Variants in SLC25A16 observed in about 807,000 individuals in gnomAD.
SLC25A16 encodes the protein solute carrier family 25 member 16.
Under a neutral mutation model 41.5 loss-of-function variants are expected in SLC25A16, and 39 were observed. That is an observed-to-expected ratio of 0.94 (90% CI 0.73 to 1.23). SLC25A16 has a LOEUF of 1.23. SLC25A16 is among the 50% of genes most tolerant of loss of function. The probability of loss-of-function intolerance (pLI) is 0.00; values close to 1 mark genes in which losing one functional copy is unlikely to be tolerated. For missense variants in SLC25A16, 421 were observed against 426.9 expected, an observed-to-expected ratio of 0.99 and a Z score of 0.12; for synonymous variants, 146 against 147.8, an observed-to-expected ratio of 0.99 and a Z score of 0.09.
At chr10:68,491,047 T>G (rs2052649297) in intron 6 of SLC25A16, among the ~76,000 whole-genome samples, 1 of 152,006 alleles carries the variant, frequency 6.6e-6, no homozygotes, top group African/African-American at 2.4e-5. Context: ...TGGCTAATTT[T>G]AGAAAATTAT....
At chr10:68,516,433 A>G (rs568362235) in intron 2 of SLC25A16, among the ~76,000 whole-genome samples, 4 of 152,324 alleles carry the variant, frequency 2.6e-5, no homozygotes, top group African/African-American at 9.6e-5. Context: ...AGGAAGAGGA[A>G]CAAGCTATGA....
In SLC25A16 at chr10:68,487,148, A is replaced by G; in HGVS notation, c.838T>C (p.Cys280Arg). ...AATGACATATGATGAACTTACAGGC[A>G]CTTTTCAAATTCCGGCAGAACAGTT... ...LGTVLPEFEK[C>R]LTMRDTMKYV... Residue 280 changes from cysteine to arginine, a missense_variant, in exon 8 of 9, where the codon TGC (cysteine) becomes CGC (arginine). Coordinates refer to ENST00000609923, the MANE Select transcript of SLC25A16 (RefSeq NM_152707.4). 6.2e-7 allele frequency: 1 copy of G among 1,612,382 alleles called. No homozygotes were observed. Among genetic ancestry groups the G allele is most frequent in the Non-Finnish European group, 8.5e-7 (1 of 1,178,622 alleles).
chr10:68,519,732 T>C (rs2053219493), intron 1 of SLC25A16, among the ~76,000 whole-genome samples: 2 of 151,550 alleles, frequency 1.3e-5, no homozygotes, highest in Admixed American at 1.3e-4. Flanking sequence ...CTAGCCAACA[T>C]GGTGAAACCC....
chr10:68,487,157 A>C lies in SLC25A16; in HGVS notation c.829T>G (p.Phe277Val), dbSNP rs1018570821. 12 of 1,613,320 alleles carry C rather than the reference A, an allele frequency of 7.4e-6. No homozygotes were observed. The highest frequency in any genetic ancestry group is 1.0e-5 in the Non-Finnish European group (12 of 1,179,602). ...TGATGAACTTACAGGCACTTTTCAA[A>C]TTCCGGCAGAACAGTTCCTAATTGC... ...RMQLGTVLPE[F>V]EKCLTMRDTM... Residue 277 changes from phenylalanine (F) to valine (V), a missense_variant, in exon 8 of 9, where the codon TTT (phenylalanine) becomes GTT (valine). Coordinates refer to ENST00000609923, the MANE Select transcript of SLC25A16 (RefSeq NM_152707.4).
intron 1 of SLC25A16, chr10:68,517,793 A>AC (rs2053184260): frequency 6.6e-6 from 1 of 151,800 alleles, no homozygotes; most frequent in African/African-American, 2.4e-5. Context: ...ACATGGTGAA[A>AC]CCCCGTCTCT....
intron 2 of SLC25A16, among the ~76,000 whole-genome samples, chr10:68,512,925 G>A (rs564652933): frequency 1.3e-5 from 2 of 152,246 alleles, no homozygotes; most frequent in South Asian, 2.1e-4. Context: ...CGTAATCCCA[G>A]CCACTAGGGA....
At chr10:68,504,624 G>A (rs933596084) in intron 3 of SLC25A16, among the ~76,000 whole-genome samples, 27 of 149,680 alleles carry the variant, frequency 1.8e-4, no homozygotes, top group Admixed American at 1.6e-3. Flanking sequence ...TGATCCGCCC[G>A]CCTCGGCATC....
At chr10:68,526,507 T>C (rs922742718) in intron 1 of SLC25A16, among the ~76,000 whole-genome samples, 1 of 152,124 alleles carries the variant, frequency 6.6e-6, no homozygotes, top group African/African-American at 2.4e-5. Flanking sequence ...CTCCATATGC[T>C]GAACGCTGGT....
At chr10:68,524,905 G>C (rs915904791) in intron 1 of SLC25A16, among the ~76,000 whole-genome samples, 1 of 151,464 alleles carries the variant, frequency 6.6e-6, no homozygotes, top group African/African-American at 2.4e-5. Flanking sequence ...AAATTAGCCA[G>C]GCATGGTGGC....
chr10:68,495,329 T>G (rs2052732237), intron 4 of SLC25A16, among the ~76,000 whole-genome samples: 1 of 151,772 alleles, frequency 6.6e-6, no homozygotes, highest in Non-Finnish European at 1.5e-5. Context: ...GGCAGGAGAA[T>G]CCTTGAACCT....
At chr10:68,522,938 C>T (rs770429810) in intron 1 of SLC25A16, among the ~76,000 whole-genome samples, 8 of 150,462 alleles carry the variant, frequency 5.3e-5, no homozygotes, top group Non-Finnish European at 1.0e-4. Flanking sequence ...CAGTGATAAT[C>T]AGGCCACTGC....
At chr10:68,487,270 A>G in intron 7 of SLC25A16, 58 bp from the exon 8 acceptor site, 1 of 1,173,638 alleles carries the variant, frequency 8.5e-7, no homozygotes, top group Middle Eastern at 2.0e-4. Context: ...CTCAACAACT[A>G]TTGAATACAA....
chr10:68,527,451 G>C lies in SLC25A16; in HGVS notation c.-76C>G. On this transcript the variant is annotated 5_prime_UTR_variant, in exon 1 of 9. Coordinates refer to ENST00000609923, the MANE Select transcript of SLC25A16 (RefSeq NM_152707.4). ...GACGGGACCATAGCCGGAACAGGCG[G>C]TGACAGGAGGCTGACCGCCCCGCCG... is the stretch of plus-strand genomic sequence containing the variant. The C allele has an allele frequency of 1.4e-5, 19 of 1,369,636 alleles. No individual in the cohort carries two copies. Among genetic ancestry groups the C allele is most frequent in the Non-Finnish European group, 1.7e-5 (18 of 1,058,904 alleles). 84.8% of individuals were successfully genotyped at this position (1,369,636 alleles called of 1,614,324 possible). A position where few individuals can be genotyped will look rare whatever the true frequency, so the allele number is the denominator to read the frequency against.
At chr10:68,520,278 G>C (rs1428943778) in intron 1 of SLC25A16, among the ~76,000 whole-genome samples, 2 of 151,918 alleles carry the variant, frequency 1.3e-5, no homozygotes, top group Admixed American at 6.6e-5. Context: ...ATCTTAACTT[G>C]CTTTCACACT....
At chr10:68,493,802 A>C (rs1201802665) in intron 4 of SLC25A16, among the ~76,000 whole-genome samples, 1 of 152,212 alleles carries the variant, frequency 6.6e-6, no homozygotes, top group Non-Finnish European at 1.5e-5. Flanking sequence ...TTATACTGTT[A>C]GCACCAAAAT....
intron 1 of SLC25A16, among the ~76,000 whole-genome samples, chr10:68,518,768 G>A (rs1312313770): frequency 1.3e-5 from 2 of 148,916 alleles, no homozygotes; most frequent in East Asian, 1.9e-4. Context: ...AGCAGGTCTC[G>A]GTCTCAAAAA....
chr10:68,512,638 CAAAAAAAAAAA>C lies in SLC25A16; in HGVS notation c.223+4102_223+4112del, dbSNP rs1163431016. 3.5e-4 allele frequency among the ~76,000 whole-genome samples: 6 copies of C among 17,148 alleles called. 2 individuals carry two copies. Among genetic ancestry groups the C allele is most frequent in the Admixed American group, 3.4e-3 (5 of 1,476 alleles). The allele number at this position is 17,148 out of a possible 152,430, so 11.2% of individuals were successfully genotyped here. On this transcript the variant is annotated intron_variant, in intron 2 of 8. Coordinates refer to ENST00000609923, the MANE Select transcript of SLC25A16 (RefSeq NM_152707.4). ...TGGGCAACAGAGCGAGACTCCGTCT[CAAAAAAAAAAA>C]AAAAAAAAAAAAAAAGATAAATGAT...
At position 68,493,387 on chromosome 10, in the gene SLC25A16, T is replaced by C. The variant is rs998767988; in HGVS notation, c.543+62A>G. ...AAAAGAATAATTACTTATATGACAT[T>C]CAAAATATTTTCCTAAGTATAAAAG... is the stretch of plus-strand genomic sequence containing the variant. On this transcript the variant is annotated intron_variant, in intron 5 of 8. Transcript: ENST00000609923. 4.4e-5 allele frequency: 62 copies of C among 1,406,302 alleles called. No homozygotes were observed. In the Middle Eastern group the frequency reaches 8.8e-4, roughly 20 times the overall value. 87.1% of individuals were successfully genotyped at this position (1,406,302 alleles called of 1,614,324 possible).
In SLC25A16 at chr10:68,483,392, C is replaced by T. The variant is rs988283103; in HGVS notation, c.*40G>A. ...AATTATAGTAATGTTTCATTTCTCCCTCTGAGAATGTATTAAGAAAAACCA... is the reference window on the plus strand; with the variant it reads ...AATTATAGTAATGTTTCATTTCTCCTTCTGAGAATGTATTAAGAAAAACCA... On this transcript the variant is annotated 3_prime_UTR_variant, in exon 9 of 9. Transcript: ENST00000609923. The T allele has an allele frequency of 9.2e-6, 12 of 1,308,618 alleles. No individual in the cohort carries two copies. Among genetic ancestry groups the T allele is most frequent in the Non-Finnish European group, 1.3e-5 (12 of 941,350 alleles). The allele number at this position is 1,308,618 out of a possible 1,614,324, so 81.1% of individuals were successfully genotyped here.
Sources: allele counts gnomAD v4.1 joint callset (sites outside exome capture counted in the v4.1 genomes callset), GRCh38; gene constraint gnomAD v4.1.1; transcripts MANE v1.5; gene names NCBI Gene and HGNC (gene_info 2026-07-23, HGNC 2026-07-21).